BRAF: variants seen among roughly 807,000 people sequenced by gnomAD.
The protein encoded by BRAF is B-Raf proto-oncogene, serine/threonine kinase, also known as serine/threonine-protein kinase B-raf.
BRAF carries 16 observed loss-of-function variants against 104.6 expected under a neutral mutation model. The ratio of observed to expected loss-of-function variants is 0.15; its 90% CI spans 0.10 to 0.23. The LOEUF is 0.23. BRAF is among the 10% of genes least tolerant of loss of function. The probability of loss-of-function intolerance (pLI) is 1.00; values close to 1 mark genes in which losing one functional copy is unlikely to be tolerated. For missense variants in BRAF, 541 were observed against 937.3 expected (o/e 0.58, Z 5.52); for synonymous variants, 310 against 341.6 (o/e 0.91, Z 1.02).
At chr7:140,895,450 T>C (rs1034780933) in intron 1 of BRAF, among the ~76,000 whole-genome samples, 12 of 152,170 alleles carry the variant, frequency 7.9e-5, no homozygotes, top group Non-Finnish European at 1.3e-4. Flanking sequence ...TTCAATATCC[T>C]CCTCCTAGCT....
Position 140,720,675 on chromosome 7 carries a change from T to C in BRAF, c.*5819A>G, listed in dbSNP as rs1057022377. 8 of 1,065,540 alleles carry C rather than the reference T, an allele frequency of 7.5e-6. No homozygotes were observed. The highest frequency in any genetic ancestry group is 1.6e-5 in the African/African-American group (1 of 61,086). 66.0% of individuals were successfully genotyped at this position (1,065,540 alleles called of 1,614,324 possible). ...CTAGATTTACTGCCACCTCACCCCA[T>C]TTTGGTCTCTGTTCTCTACATCTGT... On this transcript the variant is annotated 3_prime_UTR_variant, in exon 20 of 20. Transcript: ENST00000644969.
intron 17 of BRAF, among the ~76,000 whole-genome samples, chr7:140,742,183 G>C (rs925447024): frequency 6.6e-6 from 1 of 150,766 alleles, no homozygotes; most frequent in African/African-American, 2.4e-5. Context: ...AGACATGGTG[G>C]GGTTTTTTTT....
chr7:140,724,017 G>A lies in BRAF; in HGVS notation c.*2477C>T. On this transcript the variant is annotated 3_prime_UTR_variant, in exon 20 of 20. Transcript: ENST00000644969. ...GAGGTTTAAATATTTTATTTTTTAA[G>A]GTATCTATAAAAATCTCAATATGCT... 9.6e-7 allele frequency: 1 copy of A among 1,043,872 alleles called. No individual in the cohort carries two copies. The highest frequency in any genetic ancestry group is 1.2e-6 in the Non-Finnish European group (1 of 865,734). The allele number at this position is 1,043,872 out of a possible 1,614,324, so 64.7% of individuals were successfully genotyped here.
intron 1 of BRAF, among the ~76,000 whole-genome samples, chr7:140,880,612 T>A (rs999689843): frequency 6.6e-6 from 1 of 152,178 alleles, no homozygotes; most frequent in African/African-American, 2.4e-5. Flanking sequence ...CATAGGAATA[T>A]CTATGGCAGC....
intron 19 of BRAF, chr7:140,734,319 G>T: frequency 7.9e-7 from 1 of 1,265,620 alleles, no homozygotes; most frequent in South Asian, 1.9e-5. Context: ...ATAACCAAGT[G>T]AATGATACAA....
chr7:140,858,217 G>C (rs1486186960), intron 1 of BRAF, among the ~76,000 whole-genome samples: 1 of 152,122 alleles, frequency 6.6e-6, no homozygotes, highest in Admixed American at 6.6e-5. Flanking sequence ...CATTAATAGT[G>C]GAACAACCCA....
chr7:140,900,334 T>C (rs7800472), intron 1 of BRAF, among the ~76,000 whole-genome samples: 45,679 of 152,164 alleles, frequency 0.3, 10,949 homozygotes, highest in African/African-American at 0.67. Flanking sequence ...TTAAATAATG[T>C]CCCTTTATTT....
In BRAF at chr7:140,724,915, C is replaced by T. The variant is rs757378249; in HGVS notation, c.*1579G>A. 7.6e-5 allele frequency: 79 copies of T among 1,039,600 alleles called. No homozygotes were observed. Among genetic ancestry groups the T allele is most frequent in the Non-Finnish European group, 9.2e-5 (79 of 863,186 alleles). The allele number at this position is 1,039,600 out of a possible 1,614,324, so 64.4% of individuals were successfully genotyped here. A position where few individuals can be genotyped will look rare whatever the true frequency, so the allele number is the denominator to read the frequency against. ...GATTGATATTACCCTTTAATAAAGG[C>T]CAAAGGAAGCTATAACTAGGTTATA... On this transcript the variant is annotated 3_prime_UTR_variant, in exon 20 of 20. Transcript: ENST00000644969.
chr7:140,880,505 A>T (rs1310965743), intron 1 of BRAF, among the ~76,000 whole-genome samples: 1 of 152,188 alleles, frequency 6.6e-6, no homozygotes, highest in Admixed American at 6.5e-5. Flanking sequence ...TAATGGTGCT[A>T]TTTTGACCTC....
intron 19 of BRAF, among the ~76,000 whole-genome samples, chr7:140,728,559 A>G (rs1191964432): frequency 6.6e-6 from 1 of 152,166 alleles, no homozygotes; most frequent in Non-Finnish European, 1.5e-5. Flanking sequence ...TAAAAAAAAA[A>G]AAAGGCTAAA....
chr7:140,715,418 T>C (rs1795110730), downstream of BRAF, among the ~76,000 whole-genome samples: 3 of 152,186 alleles, frequency 2.0e-5, no homozygotes, highest in Admixed American at 2.0e-4. Context: ...TCATTTTTCC[T>C]TGTCTTCCAC....
rs185483703 is a variant in BRAF at position 140,757,266 on chromosome 7, T to C, written c.1815-3033A>G. On this transcript the variant is annotated intron_variant, in intron 14 of 19. Transcript: ENST00000644969. ...TAAAACATTTTCCCCATCTTATACT[T>C]GTATATTTCTCTTTTTTTGGACTTG... 1.3e-3 allele frequency among the ~76,000 whole-genome samples: 200 copies of C among 152,162 alleles called. 1 individual carries two copies. Among genetic ancestry groups the C allele is most frequent in the African/African-American group, 4.4e-3 (181 of 41,512 alleles).
chr7:140,792,531 G>A (rs760287565), intron 8 of BRAF, among the ~76,000 whole-genome samples: 2 of 151,990 alleles, frequency 1.3e-5, no homozygotes, highest in Non-Finnish European at 2.9e-5. Context: ...CTTAACAAAT[G>A]ACTTTCCTAA....
At position 140,924,656 on chromosome 7, in the gene BRAF, C is replaced by T; in HGVS notation, c.48G>A (p.Gln16=). The T allele has an allele frequency of 1.4e-6, 2 of 1,403,712 alleles. No individual in the cohort carries two copies. The highest frequency in any genetic ancestry group is 1.9e-6 in the Non-Finnish European group (2 of 1,035,748). 87.0% of individuals were successfully genotyped at this position (1,403,712 alleles called of 1,614,324 possible). A position where few individuals can be genotyped will look rare whatever the true frequency, so the allele number is the denominator to read the frequency against. Residue 16 remains glutamine (Q), a synonymous_variant, in exon 1 of 20, where the codon CAG becomes CAA. Coordinates refer to ENST00000644969, the MANE Select transcript of BRAF (RefSeq NM_001374258.1). The surrounding 1 kb of genome is among the most constrained non-coding windows in gnomAD (Gnocchi z 4.2). ...GGGGGGAEPG[Q]ALFNGDMEPE... is the part of the protein sequence containing the mutation. ...GCTCCATGTCCCCGTTGAACAGAGCCTGGCCCGGCTCCGCGCCGCCACCAC... is the reference window on the plus strand; with the variant it reads ...GCTCCATGTCCCCGTTGAACAGAGCTTGGCCCGGCTCCGCGCCGCCACCAC...
rs1818623582 is a variant in BRAF at position 140,924,388 on chromosome 7, G to T, written c.138+178C>A. On this transcript the variant is annotated intron_variant, in intron 1 of 19. Coordinates refer to ENST00000644969, the MANE Select transcript of BRAF (RefSeq NM_001374258.1). This position sits in a 1 kb window ranked among gnomAD's most constrained non-coding sequence, Gnocchi z 4.2. ...CCGGGCCATTGTGTGTGTTTACGTAGGAAGGCGCTGCATGACGGAGAGGGA... is the reference window on the plus strand; with the variant it reads ...CCGGGCCATTGTGTGTGTTTACGTATGAAGGCGCTGCATGACGGAGAGGGA... 6.6e-6 allele frequency among the ~76,000 whole-genome samples: 1 copy of T among 152,226 alleles called. No individual in the cohort carries two copies. Among genetic ancestry groups the T allele is most frequent in the African/African-American group, 2.4e-5 (1 of 41,462 alleles).
intron 3 of BRAF, among the ~76,000 whole-genome samples, chr7:140,831,416 C>T (rs117510543): frequency 6.6e-6 from 1 of 152,298 alleles, no homozygotes; most frequent in East Asian, 1.9e-4. Flanking sequence ...GGTTCAGGGA[C>T]ATCTGATGTT....
At chr7:140,856,421 T>C (rs1809786300) in intron 1 of BRAF, among the ~76,000 whole-genome samples, 1 of 152,046 alleles carries the variant, frequency 6.6e-6, no homozygotes, top group Non-Finnish European at 1.5e-5. Flanking sequence ...ATATAATCAG[T>C]TTGACAAAGA....
chr7:140,762,927 A>G (rs1413893536), intron 14 of BRAF, among the ~76,000 whole-genome samples: 2 of 152,232 alleles, frequency 1.3e-5, no homozygotes, highest in Non-Finnish European at 2.9e-5. Context: ...GTTGGGGGTA[A>G]GGTCACAGAT....
intron 7 of BRAF, among the ~76,000 whole-genome samples, chr7:140,797,092 C>T (rs1802567358): frequency 6.6e-6 from 1 of 152,176 alleles, no homozygotes; most frequent in South Asian, 2.1e-4. Flanking sequence ...AGTCGGCAAA[C>T]TGGCTTTCTC....
Sources: gnomAD v4.1 joint callset for allele counts (sites outside exome capture counted in the v4.1 genomes callset) on GRCh38, gnomAD v4.1.1 for gene constraint, Gnocchi (gnomAD v3.1) non-coding constraint, MANE v1.5 for transcripts, NCBI Gene and HGNC (gene_info 2026-07-23, HGNC 2026-07-21) for gene names.